TMEM41B: variants seen among roughly 807,000 people sequenced by gnomAD.
The protein encoded by TMEM41B is protein stasimon.
A neutral mutation model predicts 31.9 loss-of-function variants in TMEM41B; 18 were observed. The observed-to-expected ratio is 0.56, with a 90% confidence interval of 0.39 to 0.84. TMEM41B has a LOEUF of 0.84. Ranked by LOEUF, TMEM41B falls within the 40% of genes least tolerant of loss-of-function variation. The pLI, the probability that TMEM41B is intolerant of heterozygous loss-of-function variation, is 0.00. For missense variants in TMEM41B, 322 were observed against 348.0 expected, an observed-to-expected ratio of 0.93 and a Z score of 0.59; for synonymous variants, 144 against 124.3, an observed-to-expected ratio of 1.16 and a Z score of -1.05.
chr11:9,296,048 G>C (rs1308375234), intron 2 of TMEM41B, among the ~76,000 whole-genome samples: 1 of 146,266 alleles, frequency 6.8e-6, no homozygotes, highest in African/African-American at 2.5e-5. Context: ...GTAGAGACGG[G>C]GTTTCACCAT....
At chr11:9,295,491 T>C in intron 2 of TMEM41B, 104 bp from the exon 3 acceptor site, 1 of 668,644 alleles carries the variant, frequency 1.5e-6, no homozygotes, top group Non-Finnish European at 2.6e-6. Context: ...CATGCCTTGA[T>C]CTATTAAGTC....
At position 9,283,403 on chromosome 11, in the gene TMEM41B, C is replaced by T. The variant is rs1478843499; in HGVS notation, c.*21G>A. On this transcript the variant is annotated 3_prime_UTR_variant, in exon 7 of 7. Transcript: ENST00000528080. ...TCCTGAGATGGTGATGACAGCAAAA[C>T]TAAAAATCAGATGATTATTTTTACT... The T allele has an allele frequency of 6.3e-7, 1 of 1,591,268 alleles. No individual in the cohort carries two copies. Among genetic ancestry groups the T allele is most frequent in the Non-Finnish European group, 8.6e-7 (1 of 1,168,006 alleles).
chr11:9,300,739 A>G (rs557856261), intron 1 of TMEM41B, among the ~76,000 whole-genome samples: 32 of 151,992 alleles, frequency 2.1e-4, no homozygotes, highest in Admixed American at 3.9e-4. Context: ...TTAGCTGGGC[A>G]TGGTGGCAGG....
At chr11:9,301,334 G>A (rs1853252782) in intron 1 of TMEM41B, among the ~76,000 whole-genome samples, 1 of 152,118 alleles carries the variant, frequency 6.6e-6, no homozygotes, top group African/African-American at 2.4e-5. Flanking sequence ...GGCGGAGCTT[G>A]CAGTGAGCCA....
intron 6 of TMEM41B, among the ~76,000 whole-genome samples, chr11:9,284,027 G>A (rs1195964657): frequency 1.3e-5 from 2 of 151,852 alleles, no homozygotes; most frequent in Admixed American, 6.6e-5. Context: ...CAGATGATCC[G>A]CCCACCTCAG....
chr11:9,295,874 T>G (rs572618581), intron 2 of TMEM41B, among the ~76,000 whole-genome samples: 2 of 148,738 alleles, frequency 1.3e-5, no homozygotes, highest in Admixed American at 1.3e-4. Flanking sequence ...TATTATTTTT[T>G]TTGACACAGT....
At chr11:9,292,717 T>C (rs1564962034) in intron 3 of TMEM41B, among the ~76,000 whole-genome samples, 1 of 152,080 alleles carries the variant, frequency 6.6e-6, no homozygotes, top group Non-Finnish European at 1.5e-5. Flanking sequence ...CAGGCTGGTC[T>C]TGAACTCCCA....
chr11:9,312,763 G>C (rs1853590911), intron 1 of TMEM41B, among the ~76,000 whole-genome samples: 1 of 151,962 alleles, frequency 6.6e-6, no homozygotes, highest in African/African-American at 2.4e-5. Flanking sequence ...AATTAGCCCG[G>C]CGTGGTGGTG....
At chr11:9,287,394 A>G (rs1445985430) in intron 5 of TMEM41B, among the ~76,000 whole-genome samples, 1 of 152,208 alleles carries the variant, frequency 6.6e-6, no homozygotes, top group Non-Finnish European at 1.5e-5. Context: ...GCATTAACAT[A>G]AAACAGATAG....
At chr11:9,291,709 T>C (rs983519665) in intron 3 of TMEM41B, among the ~76,000 whole-genome samples, 26 of 147,820 alleles carry the variant, frequency 1.8e-4, no homozygotes, top group Non-Finnish European at 2.1e-4. Flanking sequence ...AATTCCTTTT[T>C]TTTTCCTTTC....
At chr11:9,299,526 ATC>A (rs1423514678) in intron 2 of TMEM41B, 56 bp downstream of exon 2, 21 of 1,230,806 alleles carry the variant, frequency 1.7e-5, no homozygotes, top group Non-Finnish European at 2.3e-5. Flanking sequence ...CTTGGCCTTA[ATC>A]CACTTTCATC....
chr11:9,285,802 G>A (rs1442372246), intron 6 of TMEM41B, among the ~76,000 whole-genome samples: 12 of 140,234 alleles, frequency 8.6e-5, no homozygotes, highest in Non-Finnish European at 1.8e-4. Flanking sequence ...TTTTGCCAAA[G>A]CAACATTTAC....
At chr11:9,299,304 AAGAAAGT>A (rs1853182527) in intron 2 of TMEM41B, among the ~76,000 whole-genome samples, 1 of 112,870 alleles carries the variant, frequency 8.9e-6, no homozygotes, top group Non-Finnish European at 1.8e-5. Flanking sequence ...AAAAAAAAAA[AAGAAAGT>A]ATATATACAT....
At chr11:9,301,792 A>G (rs974573141) in intron 1 of TMEM41B, among the ~76,000 whole-genome samples, 1 of 152,156 alleles carries the variant, frequency 6.6e-6, no homozygotes, top group Non-Finnish European at 1.5e-5. Context: ...ACTTGGAGCT[A>G]AAAGGTTAAA....
chr11:9,307,910 G>A (rs565052945), intron 1 of TMEM41B, among the ~76,000 whole-genome samples: 9 of 151,830 alleles, frequency 5.9e-5, no homozygotes, highest in South Asian at 2.1e-4. Context: ...CACCTCTCCC[G>A]GCTAATTTTT....
intron 3 of TMEM41B, among the ~76,000 whole-genome samples, chr11:9,291,185 G>A (rs1440560069): frequency 6.6e-6 from 1 of 151,892 alleles, no homozygotes; most frequent in African/African-American, 2.4e-5. Flanking sequence ...ACTTTGGGAG[G>A]CCAAGGCAGG....
chr11:9,293,987 C>T (rs1421970276), intron 3 of TMEM41B, among the ~76,000 whole-genome samples: 2 of 151,622 alleles, frequency 1.3e-5, no homozygotes, highest in African/African-American at 4.9e-5. Flanking sequence ...CTCAGGAGTT[C>T]AACACCAGCC....
At chr11:9,313,620 T>C (rs1432499700) in intron 1 of TMEM41B, among the ~76,000 whole-genome samples, 5 of 152,230 alleles carry the variant, frequency 3.3e-5, no homozygotes, top group Admixed American at 1.3e-4. Context: ...CAGGATGATG[T>C]AGTGGGGAAA....
chr11:9,287,893 TTTACTTC>T, intron 4 of TMEM41B, 87 bp from the exon 5 acceptor site: 1 of 981,976 alleles, frequency 1.0e-6, no homozygotes, highest in Non-Finnish European at 1.5e-6. Context: ...GCTCAATTAA[TTTACTTC>T]TTTCAGAGGT....
Sources: gnomAD v4.1 joint callset for allele counts (sites outside exome capture counted in the v4.1 genomes callset) on GRCh38, gnomAD v4.1.1 for gene constraint, MANE v1.5 for transcripts, NCBI Gene and HGNC (gene_info 2026-07-23, HGNC 2026-07-21) for gene names.